The following VPS13C variants were observed in gnomAD, a reference collection of about 807,000 sequenced individuals.
VPS13C encodes intermembrane lipid transfer protein VPS13C.
Under a neutral mutation model 456.8 loss-of-function variants are expected in VPS13C, and 358 were observed. The ratio of observed to expected loss-of-function variants is 0.78; its 90% CI spans 0.72 to 0.86. The LOEUF (loss-of-function observed/expected upper bound fraction) is 0.86. VPS13C is among the 40% of genes least tolerant of loss of function. The pLI is 0.00. For synonymous variants in VPS13C, 1,578 were observed against 1,486.7 expected, an observed-to-expected ratio of 1.06 and a Z score of -1.41; for missense variants, 4,818 against 4,385.4, an observed-to-expected ratio of 1.10 and a Z score of -2.79.
intron 76 of VPS13C, among the ~76,000 whole-genome samples, chr15:61,875,205 A>G (rs970531700): frequency 1.3e-5 from 2 of 152,084 alleles, no homozygotes; most frequent in African/African-American, 2.4e-5. Context: ...TTCAATTACA[A>G]TTTGAAGTTG....
intron 1 of VPS13C, 77 bp from the exon 2 acceptor site, chr15:62,044,332 A>C (rs1168246445): frequency 1.2e-6 from 1 of 868,528 alleles, no homozygotes; most frequent in African/African-American, 1.7e-5. Context: ...AGTACCAAGC[A>C]CTAAGAAACT....
intron 2 of VPS13C, among the ~76,000 whole-genome samples, chr15:62,041,886 A>T (rs2048254618): frequency 6.6e-6 from 1 of 152,190 alleles, no homozygotes; most frequent in Non-Finnish European, 1.5e-5. Context: ...CAAAATGATA[A>T]ATAGTAAAAA....
At chr15:61,905,787 G>C (rs756034828) in intron 66 of VPS13C, among the ~76,000 whole-genome samples, 4 of 151,848 alleles carry the variant, frequency 2.6e-5, no homozygotes, top group Non-Finnish European at 2.9e-5. Context: ...TATAATCTTT[G>C]TCATTTCTCT....
At chr15:61,928,128 C>T (rs1022709383) in intron 51 of VPS13C, among the ~76,000 whole-genome samples, 8 of 151,888 alleles carry the variant, frequency 5.3e-5, no homozygotes, top group African/African-American at 1.5e-4. Context: ...ACCAACATGG[C>T]ACAGGTATAC....
At chr15:61,869,319 T>C (rs907473846) in intron 80 of VPS13C, among the ~76,000 whole-genome samples, 181 bp downstream of exon 80, 1 of 152,146 alleles carries the variant, frequency 6.6e-6, no homozygotes, top group Non-Finnish European at 1.5e-5. Flanking sequence ...GGTTTCACCA[T>C]GTTCGCAAAA....
At chr15:61,898,934 T>C (rs1405297659) in intron 66 of VPS13C, among the ~76,000 whole-genome samples, 4 of 101,734 alleles carry the variant, frequency 3.9e-5, no homozygotes, top group Non-Finnish European at 6.3e-5. Context: ...AAACTAGAAC[T>C]CAGTATTAAG....
chr15:61,940,762 T>C lies in VPS13C; in HGVS notation c.5486A>G (p.Asp1829Gly). ...GTTGACTGGTTTTAAAATTTCAATG[T>C]CATTTTGTGGCAAGCTAGCCTGCAA... ...TILQASLPQNDIEILKPVNML... is the reference protein window; with the variant it reads ...TILQASLPQNGIEILKPVNML... Residue 1829 changes from aspartate (D) to glycine (G), a missense_variant, in exon 47 of 85, where the codon GAC becomes GGC. This residue lies in a region of VPS13C where 4,552 missense variants were observed against 4,130.6 expected (regional missense o/e 1.10). Transcript: ENST00000644861. The C allele has an allele frequency of 6.2e-7, 1 of 1,613,540 alleles. No homozygotes were observed. Among genetic ancestry groups the C allele is most frequent in the South Asian group, 1.1e-5 (1 of 90,902 alleles).
intron 3 of VPS13C, among the ~76,000 whole-genome samples, chr15:62,038,412 A>C (rs914008918): frequency 6.6e-6 from 1 of 151,982 alleles, no homozygotes; most frequent in Non-Finnish European, 1.5e-5. Flanking sequence ...AACATGATGA[A>C]ACTGTATCTC....
Position 61,923,817 on chromosome 15 carries a change from C to T in VPS13C, c.6610-1055G>A, listed in dbSNP as rs945700176. 2.0e-5 allele frequency among the ~76,000 whole-genome samples: 3 copies of T among 148,946 alleles called. No individual in the cohort carries two copies. The Admixed American group carries it at 2.0e-4, about 10-fold the overall frequency. The stretch of plus-strand genomic sequence containing the variant: ...ATTAATGCTTCCAGTCTTACAACGC[C>T]ACCACACCATTCTCTCCAGCCATAT... On this transcript the variant is annotated intron_variant, in intron 53 of 84. Transcript: ENST00000644861.
At chr15:61,944,861 T>C (rs942460471) in intron 45 of VPS13C, among the ~76,000 whole-genome samples, 6 of 152,198 alleles carry the variant, frequency 3.9e-5, no homozygotes, top group Admixed American at 3.3e-4. Flanking sequence ...TTTAAAAGTT[T>C]TGATTGGCAG....
Position 61,936,736 on chromosome 15 carries a change from T to G in VPS13C, c.5616A>C (p.Glu1872Asp). 6.2e-7 allele frequency: 1 copy of G among 1,610,128 alleles called. No individual in the cohort carries two copies. Among genetic ancestry groups the G allele is most frequent in the Non-Finnish European group, 8.5e-7 (1 of 1,178,780 alleles). ...TTTTCATTAAAACTGTCAAGTCATC[T>G]TCACTGAGAGCAACCTAGAAACCAC... Reference protein sequence around the residue: ...KLKPMQVALSEDDLTVLMKIL... With the variant: ...KLKPMQVALSDDDLTVLMKIL... The change falls in exon 48 of 85, where the codon GAA (glutamate) becomes GAC (aspartate). Residue 1872 changes from glutamate to aspartate, a missense_variant. Glu to Asp is a conservative substitution (Grantham distance 45). Coordinates refer to ENST00000644861, the MANE Select transcript of VPS13C (RefSeq NM_020821.3).
At chr15:61,949,777 T>C (rs1221652688) in intron 41 of VPS13C, among the ~76,000 whole-genome samples, 172 bp from the exon 42 acceptor site, 2 of 152,196 alleles carry the variant, frequency 1.3e-5, no homozygotes, top group Admixed American at 6.5e-5. Flanking sequence ...CCTTGCCAGA[T>C]AATAAATCAA....
intron 5 of VPS13C, among the ~76,000 whole-genome samples, chr15:62,030,813 C>T (rs2047789563): frequency 1.3e-5 from 2 of 152,052 alleles, no homozygotes; most frequent in South Asian, 4.1e-4. Context: ...AGAATGTTAA[C>T]ATCGCTAAAA....
Position 61,880,756 on chromosome 15 carries a change from A to G in VPS13C, c.9889-34T>C, listed in dbSNP as rs1416985053. 1.5e-5 allele frequency: 23 copies of G among 1,537,010 alleles called. No individual in the cohort carries two copies. The East Asian group carries it at 5.4e-4, about 36-fold the overall frequency. ...AATAAAATCAAGAATTTCTATTTTA[A>G]TTTTTTTCTCTATTAGAATTCGTTC... On this transcript the variant is annotated intron_variant, in intron 72 of 84. Transcript: ENST00000644861.
At chr15:61,965,715 A>C (rs2045356338) in intron 30 of VPS13C, among the ~76,000 whole-genome samples, 1 of 151,756 alleles carries the variant, frequency 6.6e-6, no homozygotes. Flanking sequence ...TTGACTTCAA[A>C]AGTGCTCAAC....
At chr15:61,944,167 G>A (rs759202368) in intron 45 of VPS13C, among the ~76,000 whole-genome samples, 7 of 152,184 alleles carry the variant, frequency 4.6e-5, no homozygotes, top group Non-Finnish European at 8.8e-5. Flanking sequence ...GCAGAGAGAA[G>A]AGAACAATTA....
intron 82 of VPS13C, among the ~76,000 whole-genome samples, chr15:61,862,644 A>G (rs1894287509): frequency 1.3e-5 from 2 of 152,196 alleles, no homozygotes. Context: ...TGCTTTTTAG[A>G]TTGTTTTGTG....
At chr15:61,910,092 G>T (rs1201676327) in intron 64 of VPS13C, 85 bp downstream of exon 64, 2 of 831,798 alleles carry the variant, frequency 2.4e-6, no homozygotes, top group Non-Finnish European at 3.0e-6. Flanking sequence ...AAACCTGCAC[G>T]TTCTGCACAT....
chr15:62,032,971 GT>G (rs938759788), intron 5 of VPS13C, among the ~76,000 whole-genome samples: 1 of 151,500 alleles, frequency 6.6e-6, no homozygotes, highest in Admixed American at 6.6e-5. Context: ...GAAGAATCAA[GT>G]TTTTGGGTTT....
Sources: allele counts gnomAD v4.1 joint callset (sites outside exome capture counted in the v4.1 genomes callset), GRCh38; gene constraint gnomAD v4.1.1; regional missense constraint gnomAD v4.1.1; transcripts MANE v1.5; gene names NCBI Gene and HGNC (gene_info 2026-07-23, HGNC 2026-07-21).